ZNF536: variants seen among roughly 807,000 people sequenced by gnomAD.
The protein encoded by ZNF536 is zinc finger protein 536.
Under a neutral mutation model 84.5 loss-of-function variants are expected in ZNF536, and 13 were observed. The observed-to-expected ratio is 0.15, with a 90% CI of 0.10 to 0.24. The LOEUF (loss-of-function observed/expected upper bound fraction) is 0.24, where lower values mean the gene tolerates loss of function less well. Ranked by LOEUF, ZNF536 falls within the 10% of genes least tolerant of loss-of-function variation. ZNF536 has a pLI of 1.00. For synonymous variants in ZNF536, 811 were observed against 742.5 expected (o/e 1.09, Z -1.50); for missense variants, 1,536 against 1,747.5 (o/e 0.88, Z 2.16).
intron 3 of ZNF536, among the ~76,000 whole-genome samples, chr19:30,364,501 G>A (rs1347175931): frequency 6.6e-6 from 1 of 152,228 alleles, no homozygotes; most frequent in Non-Finnish European, 1.5e-5. Flanking sequence ...TTGGATGACA[G>A]AGAAAGATCC....
intron 1 of ZNF536, among the ~76,000 whole-genome samples, chr19:30,391,536 A>C (rs181997331): frequency 2.7e-4 from 41 of 152,302 alleles, no homozygotes; most frequent in African/African-American, 8.7e-4. Context: ...AGATCGCACC[A>C]TTGCACTCCA....
chr19:30,374,816 G>A (rs1161150856), intron 1 of ZNF536, among the ~76,000 whole-genome samples: 1 of 150,868 alleles, frequency 6.6e-6, no homozygotes, highest in East Asian at 2.0e-4. Flanking sequence ...GCGCCCGGGC[G>A]GATTGCGAGC....
intron 1 of ZNF536, among the ~76,000 whole-genome samples, chr19:30,656,555 G>C (rs1383143474): frequency 2.0e-5 from 3 of 152,194 alleles, no homozygotes; most frequent in Admixed American, 1.3e-4. Flanking sequence ...TACAACCGGA[G>C]CAGTGAGGTT....
At chr19:30,543,328 G>A (rs1036860950) in intron 3 of ZNF536, among the ~76,000 whole-genome samples, 5 of 152,224 alleles carry the variant, frequency 3.3e-5, no homozygotes, top group Admixed American at 3.3e-4. Flanking sequence ...TGGAAACCTT[G>A]GGAGGCAGCC....
intron 2 of ZNF536, among the ~76,000 whole-genome samples, chr19:30,487,195 T>G (rs1013623147): frequency 1.3e-5 from 2 of 152,164 alleles, no homozygotes; most frequent in African/African-American, 4.8e-5. Flanking sequence ...TTTAAGAAAT[T>G]TATCCAAAGT....
At chr19:30,670,946 TCCCCAC>T (rs1056484064) in intron 1 of ZNF536, among the ~76,000 whole-genome samples, 40 of 152,262 alleles carry the variant, frequency 2.6e-4, no homozygotes, top group African/African-American at 9.4e-4. Flanking sequence ...CAGGCTCCTC[TCCCCAC>T]CCCATTCTGC....
At chr19:30,623,529 CTTG>C (rs1315140432) in intron 1 of ZNF536, among the ~76,000 whole-genome samples, 2 of 152,226 alleles carry the variant, frequency 1.3e-5, no homozygotes, top group Admixed American at 6.5e-5. Flanking sequence ...CACTGGCCTC[CTTG>C]TTGTGCTCAG....
At chr19:30,386,899 G>A (rs1394014457) in intron 1 of ZNF536, among the ~76,000 whole-genome samples, 2 of 152,218 alleles carry the variant, frequency 1.3e-5, no homozygotes, top group East Asian at 1.9e-4. Flanking sequence ...GCTTGTCTGC[G>A]GGTCGCCGGC....
intron 1 of ZNF536, among the ~76,000 whole-genome samples, chr19:30,697,745 T>C (rs1232509036): frequency 1.3e-5 from 2 of 152,202 alleles, no homozygotes; most frequent in Non-Finnish European, 2.9e-5. Context: ...AGTGGCGATT[T>C]CTCAAAATCT....
chr19:30,525,895 C>G (rs1421169143), intron 2 of ZNF536, among the ~76,000 whole-genome samples: 1 of 152,102 alleles, frequency 6.6e-6, no homozygotes, highest in Non-Finnish European at 1.5e-5. Context: ...GGGAGGCCAC[C>G]TGGACATATT....
chr19:30,527,219 CTTTTTTTTTTTTTTTT>C (rs56404227), intron 2 of ZNF536, among the ~76,000 whole-genome samples: 42 of 106,176 alleles, frequency 4.0e-4, no homozygotes, highest in African/African-American at 1.4e-3. Context: ...ACCCAGCCTC[CTTTTTTTTTTTTTTTT>C]TTTTTTTTTT....
intron 1 of ZNF536, among the ~76,000 whole-genome samples, chr19:30,706,565 G>A (rs1163215704): frequency 1.3e-5 from 2 of 152,156 alleles, no homozygotes; most frequent in African/African-American, 4.8e-5. Context: ...AAGAACTAGT[G>A]TCATCCTGGT....
At chr19:30,712,769 A>G (rs1359710380) in exon 2 of ZNF536, 1 of 152,132 alleles carries the variant, frequency 6.6e-6, no homozygotes, top group Non-Finnish European at 1.5e-5. Flanking sequence ...ACTTAATGCA[A>G]CTGTTTCTAT....
chr19:30,523,859 G>A (rs977770851), intron 2 of ZNF536, among the ~76,000 whole-genome samples: 1 of 152,186 alleles, frequency 6.6e-6, no homozygotes, highest in African/African-American at 2.4e-5. Context: ...GTAGGCTAAG[G>A]AGGCATCCCA....
At position 30,607,142 on chromosome 19, in the gene ZNF536, G is replaced by A. The variant is rs557281722; in HGVS notation, c.169+57628G>A. Among the ~76,000 whole-genome samples, 8 of 152,212 alleles carry A rather than the reference G, an allele frequency of 5.3e-5. No individual in the cohort carries two copies. The South Asian group carries it at 8.3e-4, about 16-fold the overall frequency. Reference sequence around the variant, plus strand: ...CCTCACCTCCCTAAACCTCTTCGACGTAGATTTTTGTCAAACTTATTTACA... The same window carrying A: ...CCTCACCTCCCTAAACCTCTTCGACATAGATTTTTGTCAAACTTATTTACA... On this transcript the variant is annotated intron_variant, in intron 1 of 1. Transcript: ENST00000592773.
chr19:30,616,241 A>T (rs939279015), intron 1 of ZNF536, among the ~76,000 whole-genome samples: 5 of 152,238 alleles, frequency 3.3e-5, no homozygotes, highest in Non-Finnish European at 7.3e-5. Flanking sequence ...GTGGAAGTGG[A>T]CATCCTGTCC....
At chr19:30,453,094 C>A (rs2052682740) in intron 2 of ZNF536, among the ~76,000 whole-genome samples, 1 of 152,130 alleles carries the variant, frequency 6.6e-6, no homozygotes. Context: ...GGGGCGATGG[C>A]AACATTTACT....
chr19:30,368,905 T>C (rs1262079313), upstream of ZNF536, among the ~76,000 whole-genome samples: 9 of 152,246 alleles, frequency 5.9e-5, no homozygotes, highest in Admixed American at 5.9e-4. Flanking sequence ...ACGTAGACCC[T>C]GATGTGGCTC....
At chr19:30,625,870 C>A (rs1002442608) in intron 1 of ZNF536, among the ~76,000 whole-genome samples, 8 of 152,104 alleles carry the variant, frequency 5.3e-5, no homozygotes, top group African/African-American at 1.9e-4. Flanking sequence ...GCCTCTTGAC[C>A]TATTCATTCC....
Sources: allele counts gnomAD v4.1 joint callset (sites outside exome capture counted in the v4.1 genomes callset), GRCh38; gene constraint gnomAD v4.1.1; transcripts MANE v1.5; gene names NCBI Gene and HGNC (gene_info 2026-07-23, HGNC 2026-07-21).